TNFRSF25: variants seen among roughly 807,000 people sequenced by gnomAD.
TNFRSF25 encodes the protein TNF receptor superfamily member 25.
Under a neutral mutation model 49.4 loss-of-function variants are expected in TNFRSF25, and 28 were observed. The observed-to-expected ratio is 0.57, with a 90% CI of 0.42 to 0.78. TNFRSF25 has a LOEUF of 0.78. Among genes scored for constraint, TNFRSF25 ranks in the 30% least tolerant of loss-of-function variants. The pLI is 0.00. For synonymous variants in TNFRSF25, 240 were observed against 234.2 expected, an observed-to-expected ratio of 1.02 and a Z score of -0.23; for missense variants, 531 against 581.6, an observed-to-expected ratio of 0.91 and a Z score of 0.90.
chr1:6,463,428 A>G, intron 5 of TNFRSF25: 1 of 457,212 alleles, frequency 2.2e-6, no homozygotes, highest in East Asian at 3.6e-5. Flanking sequence ...CAGATATTCA[A>G]TAAAGACTTG....
intron 1 of TNFRSF25, chr1:6,465,853 G>A (rs1042620319): frequency 3.6e-5 from 52 of 1,424,974 alleles, no homozygotes; most frequent in Non-Finnish European, 4.6e-6. Context: ...GAGGGACACT[G>A]ATAATGCTCT....
In TNFRSF25 at chr1:6,465,082, C is replaced by T. The variant is rs965575632; in HGVS notation, c.295+6G>A. ...ACTCCCTGCCAAGCACTGAGAAGCC[C>T]CTCACCCTGCTCATCACAGGCCTGG... is the stretch of plus-strand genomic sequence containing the variant. On this transcript the variant is annotated splice_donor_region_variant and intron_variant, in intron 3 of 9. Coordinates refer to ENST00000356876, the MANE Select transcript of TNFRSF25 (RefSeq NM_003790.3). 3 of 1,611,034 alleles carry T rather than the reference C, an allele frequency of 1.9e-6. No individual in the cohort carries two copies. In the Admixed American group the frequency reaches 5.0e-5, roughly 27 times the overall value.
Position 6,461,918 on chromosome 1 carries a change from ACACGTTGTGAAAC to A in TNFRSF25, c.925+63_925+75del. The A allele has an allele frequency of 6.5e-7, 1 of 1,527,170 alleles. No individual in the cohort carries two copies. The highest frequency in any genetic ancestry group is 1.3e-5 in the South Asian group (1 of 79,954). The allele number at this position is 1,527,170 out of a possible 1,614,324, so 94.6% of individuals were successfully genotyped here. ...CCGTCAGTTAGGGGGCAGAAAGGGA[ACACGTTGTGAAAC>A]CACAACTTCCCACCGCAGACAGGAG... is the stretch of plus-strand genomic sequence containing the variant. On this transcript the variant is annotated intron_variant, in intron 9 of 9. Transcript: ENST00000356876. This position sits in a 1 kb window ranked among gnomAD's most constrained non-coding sequence, Gnocchi z 6.3.
At position 6,461,752 on chromosome 1, in the gene TNFRSF25, A is replaced by C; in HGVS notation, c.936T>G (p.Ala312=). ...GGGACTCTGGCGAGAGTGTGGGCGC[A>C]GCAGCGGGGCCTGGGGCAGGGCCAG... The part of the protein sequence containing the change: ...QLPSRALGPA[A]APTLSPESPA... Residue 312 remains alanine, a synonymous_variant, in exon 10 of 10, where the codon GCT becomes GCG. Transcript: ENST00000356876. The surrounding 1 kb of genome is among the most constrained non-coding windows in gnomAD (Gnocchi z 6.3). 2 of 1,528,308 alleles carry C rather than the reference A, an allele frequency of 1.3e-6. No homozygotes were observed. Among genetic ancestry groups the C allele is most frequent in the Middle Eastern group, 3.9e-4 (2 of 5,178 alleles). 94.7% of individuals were successfully genotyped at this position (1,528,308 alleles called of 1,614,324 possible).
Position 6,461,563 on chromosome 1 carries a change from C to T in TNFRSF25, c.1125G>A (p.Gln375=). 1.2e-6 allele frequency: 2 copies of T among 1,610,290 alleles called. No homozygotes were observed. The highest frequency in any genetic ancestry group is 2.7e-5 in the African/African-American group (2 of 75,030). Residue 375 remains glutamine, a synonymous_variant, in exon 10 of 10, where the codon CAG becomes CAA. Transcript: ENST00000356876. This position sits in a 1 kb window ranked among gnomAD's most constrained non-coding sequence, Gnocchi z 6.3. The part of the protein sequence containing the change: ...EVEIGRFRDQ[Q]YEMLKRWRQQ... ...GGCGCCAGCGCTTGAGCATCTCGTACTGCTGGTCTCGGAAGCGGCCGATCT... is the reference window on the plus strand; with the variant it reads ...GGCGCCAGCGCTTGAGCATCTCGTATTGCTGGTCTCGGAAGCGGCCGATCT...
In TNFRSF25 at chr1:6,462,530, C is replaced by G. The variant is rs990627061; in HGVS notation, c.744+99G>C. ...CTCCCAACACCTCTGTCCACTAGGG[C>G]TACCCGGTGCTGGCCGCGTGCCAAG... On this transcript the variant is annotated intron_variant, in intron 8 of 9. Coordinates refer to ENST00000356876, the MANE Select transcript of TNFRSF25 (RefSeq NM_003790.3). This position sits in a 1 kb window ranked among gnomAD's most constrained non-coding sequence, Gnocchi z 4.2. 7 of 1,551,944 alleles carry G rather than the reference C, an allele frequency of 4.5e-6. No individual in the cohort carries two copies. The African/African-American group carries it at 9.6e-5, about 21-fold the overall frequency.
At chr1:6,464,097 T>C (rs1287244885) in intron 5 of TNFRSF25, 3 of 1,315,808 alleles carry the variant, frequency 2.3e-6, no homozygotes, top group East Asian at 6.7e-5. Flanking sequence ...TGACTCTCTG[T>C]GTAAGTGACA....
chr1:6,464,277 C>G, intron 5 of TNFRSF25, 98 bp downstream of exon 5: 1 of 1,539,098 alleles, frequency 6.5e-7, no homozygotes, highest in Non-Finnish European at 8.8e-7. Flanking sequence ...CTCCCTATCC[C>G]CTCTTCCTAT....
rs1644157378 is a variant in TNFRSF25, at chr1:6,461,124, C to T, written c.*310G>A. 1.7e-6 allele frequency: 1 copy of T among 599,032 alleles called. No homozygotes were observed. The highest frequency in any genetic ancestry group is 1.8e-5 in the African/African-American group (1 of 54,186). 37.1% of individuals were successfully genotyped at this position (599,032 alleles called of 1,614,324 possible). A position where few individuals can be genotyped will look rare whatever the true frequency, so the allele number is the denominator to read the frequency against. ...GAAAAGTCCAGTCCACTTAACACCC[C>T]AGCCCCGCAGAAACGCCAAGAAGCC... On this transcript the variant is annotated 3_prime_UTR_variant, in exon 10 of 10. Transcript: ENST00000356876. The surrounding 1 kb of genome is among the most constrained non-coding windows in gnomAD (Gnocchi z 6.3).
In TNFRSF25 at chr1:6,462,578, T is replaced by A; in HGVS notation, c.744+51A>T. The A allele has an allele frequency of 6.3e-7, 1 of 1,596,624 alleles. No homozygotes were observed. Among genetic ancestry groups the A allele is most frequent in the Non-Finnish European group, 8.5e-7 (1 of 1,172,112 alleles). The stretch of plus-strand genomic sequence containing the variant: ...AAGCTCCAGGGATCATAGTAAGGCT[T>A]GATCTTCCAGCTCCAGAAGGCAGCC... On this transcript the variant is annotated intron_variant, in intron 8 of 9. Coordinates refer to ENST00000356876, the MANE Select transcript of TNFRSF25 (RefSeq NM_003790.3). This position sits in a 1 kb window ranked among gnomAD's most constrained non-coding sequence, Gnocchi z 4.2.
chr1:6,465,985 GA>G, intron 1 of TNFRSF25, 83 bp downstream of exon 1: 1 of 1,514,336 alleles, frequency 6.6e-7, no homozygotes, highest in Non-Finnish European at 8.9e-7. Flanking sequence ...GCTTGGAGTG[GA>G]GACGCGCCCG....
At chr1:6,463,462 C>T (rs71582898) in intron 5 of TNFRSF25, 2 of 314,970 alleles carry the variant, frequency 6.3e-6, no homozygotes, top group Non-Finnish European at 1.2e-5. Flanking sequence ...CGCGGTGGCT[C>T]ATGCCTGTAA....
At chr1:6,465,659 G>A (rs752817301) in intron 1 of TNFRSF25, 99 bp from the exon 2 acceptor site, 2 of 1,505,768 alleles carry the variant, frequency 1.3e-6, no homozygotes, top group African/African-American at 1.4e-5. Context: ...TTTGCCCACA[G>A]AGCAGCCCAC....
rs55660538 is a variant in TNFRSF25 at position 6,463,725 on chromosome 1, C to CAAAAAAA, written c.543-605_543-599dup. 13 of 27,588 alleles carry CAAAAAAA rather than the reference C, an allele frequency of 4.7e-4. 1 individual carries two copies. Among genetic ancestry groups the CAAAAAAA allele is most frequent in the African/African-American group, 1.2e-3 (9 of 7,528 alleles). The allele number at this position is 27,588 out of a possible 1,614,324, so 1.7% of individuals were successfully genotyped here. On this transcript the variant is annotated intron_variant, in intron 5 of 9. Coordinates refer to ENST00000356876, the MANE Select transcript of TNFRSF25 (RefSeq NM_003790.3). Reference sequence around the variant, plus strand: ...TGGGTGACAGAGCAAGTCTCCATCTCAAAAAAAAAAAAAAAAAAAAAAAAA... The same window carrying CAAAAAAA: ...TGGGTGACAGAGCAAGTCTCCATCTCAAAAAAAAAAAAAAAAAAAAAAAAAAAAAAAA...
Position 6,462,695 on chromosome 1 carries a change from C to T in TNFRSF25, c.707-29G>A. ...ACAGACACAGAGAGATTGCGGTCAG[C>T]CACCAGGCAAGCCTCCTGGACCTGG... On this transcript the variant is annotated intron_variant, in intron 7 of 9. Transcript: ENST00000356876. The surrounding 1 kb of genome is among the most constrained non-coding windows in gnomAD (Gnocchi z 4.2). 6.2e-7 allele frequency: 1 copy of T among 1,611,508 alleles called. No individual in the cohort carries two copies. Among genetic ancestry groups the T allele is most frequent in the Non-Finnish European group, 8.5e-7 (1 of 1,178,694 alleles).
In TNFRSF25 at chr1:6,461,059, C is replaced by G. The variant is rs1360432007; in HGVS notation, c.*375G>C. 4.3e-6 allele frequency: 2 copies of G among 466,432 alleles called. No individual in the cohort carries two copies. The highest frequency in any genetic ancestry group is 2.0e-5 in the African/African-American group (1 of 50,390). The allele number at this position is 466,432 out of a possible 1,614,324, so 28.9% of individuals were successfully genotyped here. A position where few individuals can be genotyped will look rare whatever the true frequency, so the allele number is the denominator to read the frequency against. On this transcript the variant is annotated 3_prime_UTR_variant, in exon 10 of 10. Coordinates refer to ENST00000356876, the MANE Select transcript of TNFRSF25 (RefSeq NM_003790.3). This position sits in a 1 kb window ranked among gnomAD's most constrained non-coding sequence, Gnocchi z 6.3. ...CTGGACTCCACCATGGGTGCCAGAT[C>G]CCGGGGTGACAAGATTCCCGTCCCC...
Position 6,461,374 on chromosome 1 carries a change from A to G in TNFRSF25, c.*60T>C. ...CATAAAATGTCTACACGCATAAGTA[A>G]CCGTACTTAGGGCTTCTGCAAGGGC... is the stretch of plus-strand genomic sequence containing the variant. On this transcript the variant is annotated 3_prime_UTR_variant, in exon 10 of 10. Coordinates refer to ENST00000356876, the MANE Select transcript of TNFRSF25 (RefSeq NM_003790.3). The surrounding 1 kb of genome is among the most constrained non-coding windows in gnomAD (Gnocchi z 6.3). 6.8e-7 allele frequency: 1 copy of G among 1,464,364 alleles called. No homozygotes were observed. The allele number at this position is 1,464,364 out of a possible 1,614,324, so 90.7% of individuals were successfully genotyped here.
Position 6,461,033 on chromosome 1 carries a change from A to C in TNFRSF25, c.*401T>G. 2.3e-6 allele frequency: 1 copy of C among 429,176 alleles called. No individual in the cohort carries two copies. The highest frequency in any genetic ancestry group is 1.9e-5 in the South Asian group (1 of 53,878). 26.6% of individuals were successfully genotyped at this position (429,176 alleles called of 1,614,324 possible). ...GGGCAGGCTTGGGAGCTAAGGCCAC[A>C]CTGGACTCCACCATGGGTGCCAGAT... On this transcript the variant is annotated 3_prime_UTR_variant, in exon 10 of 10. Coordinates refer to ENST00000356876, the MANE Select transcript of TNFRSF25 (RefSeq NM_003790.3). The surrounding 1 kb of genome is among the most constrained non-coding windows in gnomAD (Gnocchi z 6.3).
rs1644308026 is a variant in TNFRSF25 at position 6,465,161 on chromosome 1, G to C, written c.222C>G (p.Pro74=). The change falls in exon 3 of 10, where the codon CCC becomes CCG. Residue 74 remains proline, a synonymous_variant. Coordinates refer to ENST00000356876, the MANE Select transcript of TNFRSF25 (RefSeq NM_003790.3). ...TCTCCCAGGCCAAGAAGGTGTCTTGGGGACACACAAGGCAGGTGGAGTTGC... is the reference window on the plus strand; with the variant it reads ...TCTCCCAGGCCAAGAAGGTGTCTTGCGGACACACAAGGCAGGTGGAGTTGC... The part of the protein sequence containing the change: ...PCGNSTCLVC[P]QDTFLAWENH... 1.2e-6 allele frequency: 2 copies of C among 1,613,908 alleles called. No homozygotes were observed. The highest frequency in any genetic ancestry group is 1.7e-6 in the Non-Finnish European group (2 of 1,179,994).
Sources: allele counts gnomAD v4.1 joint callset, GRCh38; gene constraint gnomAD v4.1.1; non-coding constraint Gnocchi (gnomAD v3.1); transcripts MANE v1.5; gene names NCBI Gene and HGNC (gene_info 2026-07-23, HGNC 2026-07-21).